The following PLPP3 variants were observed in gnomAD, a reference collection of about 807,000 sequenced individuals.
PLPP3 encodes phospholipid phosphatase 3.
Under a neutral mutation model 29.6 loss-of-function variants are expected in PLPP3, and 6 were observed. The ratio of observed to expected loss-of-function variants is 0.20; its 90% CI spans 0.11 to 0.40. The LOEUF is 0.40. PLPP3 is among the 10% of genes least tolerant of loss of function. The pLI is 1.00. For synonymous variants in PLPP3, 152 were observed against 159.7 expected, an observed-to-expected ratio of 0.95 and a Z score of 0.36; for missense variants, 308 against 407.7, an observed-to-expected ratio of 0.76 and a Z score of 2.11.
At chr1:56,514,213 T>C (rs1385447802) in intron 4 of PLPP3, among the ~76,000 whole-genome samples, 1 of 151,914 alleles carries the variant, frequency 6.6e-6, no homozygotes, top group African/African-American at 2.4e-5. Flanking sequence ...ATAGGAGCTA[T>C]GAAAGAAGTT....
chr1:56,531,704 A>G (rs1645889865), intron 2 of PLPP3, among the ~76,000 whole-genome samples: 1 of 152,240 alleles, frequency 6.6e-6, no homozygotes, highest in Non-Finnish European at 1.5e-5. Context: ...CTTAGGCTTG[A>G]AAGCCAAACA....
chr1:56,556,036 T>C (rs1245226378), intron 1 of PLPP3, among the ~76,000 whole-genome samples: 1 of 152,226 alleles, frequency 6.6e-6, no homozygotes, highest in Non-Finnish European at 1.5e-5. Context: ...AATGTATCAT[T>C]TTAGAGTCAG....
intron 1 of PLPP3, among the ~76,000 whole-genome samples, chr1:56,578,425 A>T (rs1646251534): frequency 6.6e-6 from 1 of 152,136 alleles, no homozygotes; most frequent in Non-Finnish European, 1.5e-5. Flanking sequence ...ATGTTTACAT[A>T]CAGCCGCCGG....
intron 5 of PLPP3, among the ~76,000 whole-genome samples, chr1:56,499,686 A>G (rs1286030441): frequency 1.3e-5 from 2 of 152,224 alleles, no homozygotes; most frequent in East Asian, 1.9e-4. Context: ...CACTTTCAGC[A>G]TGACTTGAGG....
At position 56,570,338 on chromosome 1, in the gene PLPP3, C is replaced by T. The variant is rs566136528; in HGVS notation, c.139+8540G>A. Among the ~76,000 whole-genome samples, 12 of 152,194 alleles carry T rather than the reference C, an allele frequency of 7.9e-5. No homozygotes were observed. The East Asian group carries it at 1.2e-3, about 15-fold the overall frequency. On this transcript the variant is annotated intron_variant, in intron 1 of 5. Coordinates refer to ENST00000371250, the MANE Select transcript of PLPP3 (RefSeq NM_003713.5). Reference sequence around the variant, plus strand: ...AAGCACACTACTTATTATGACAAGGCGCTTATAATGATTTGCATTTCTCTG... The same window carrying T: ...AAGCACACTACTTATTATGACAAGGTGCTTATAATGATTTGCATTTCTCTG...
At chr1:56,552,997 G>A (rs536227708) in intron 1 of PLPP3, among the ~76,000 whole-genome samples, 1 of 152,260 alleles carries the variant, frequency 6.6e-6, no homozygotes, top group African/African-American at 2.4e-5. Context: ...AGAGAGAAGA[G>A]GCTAGACTAG....
intron 1 of PLPP3, among the ~76,000 whole-genome samples, chr1:56,552,972 C>T (rs1646050680): frequency 1.3e-5 from 2 of 152,126 alleles, no homozygotes; most frequent in African/African-American, 2.4e-5. Context: ...CCCTTTTCTT[C>T]GCTGAGCCTG....
At chr1:56,552,456 C>A (rs2100284851) in intron 1 of PLPP3, among the ~76,000 whole-genome samples, 1 of 152,260 alleles carries the variant, frequency 6.6e-6, no homozygotes, top group East Asian at 1.9e-4. Flanking sequence ...ACATAGCATG[C>A]AATTTACATA....
At chr1:56,552,558 G>A (rs960804122) in intron 1 of PLPP3, among the ~76,000 whole-genome samples, 1 of 152,116 alleles carries the variant, frequency 6.6e-6, no homozygotes, top group Non-Finnish European at 1.5e-5. Context: ...GAAATACTGA[G>A]ATGAGTAAAA....
chr1:56,533,200 A>G (rs922983977), intron 2 of PLPP3, among the ~76,000 whole-genome samples: 1 of 152,006 alleles, frequency 6.6e-6, no homozygotes, highest in African/African-American at 2.4e-5. Context: ...AATTACAGGC[A>G]CATGCCACCA....
At chr1:56,563,636 A>G (rs999997788) in intron 1 of PLPP3, among the ~76,000 whole-genome samples, 5 of 152,170 alleles carry the variant, frequency 3.3e-5, no homozygotes, top group Non-Finnish European at 5.9e-5. Context: ...CTAGCAGAGC[A>G]TTTTCCCTGA....
chr1:56,562,036 C>CAAAAAAAAAAAAAA (rs71048439), intron 1 of PLPP3, among the ~76,000 whole-genome samples: 1 of 50,956 alleles, frequency 2.0e-5, no homozygotes, highest in Non-Finnish European at 3.1e-5. Context: ...CTCCGTTTCA[C>CAAAAAAAAAAAAAA]AAAAAAAAAA....
chr1:56,548,052 C>T (rs1646016865), intron 1 of PLPP3, among the ~76,000 whole-genome samples: 1 of 152,190 alleles, frequency 6.6e-6, no homozygotes. Context: ...AATCAACTGG[C>T]TTGACTGGTT....
At chr1:56,534,706 C>T (rs549980272) in intron 2 of PLPP3, among the ~76,000 whole-genome samples, 24 of 152,234 alleles carry the variant, frequency 1.6e-4, no homozygotes, top group African/African-American at 5.8e-4. Flanking sequence ...TTTTCCAGAA[C>T]TGAGAATGCA....
At chr1:56,559,556 AT>A (rs35349205) in intron 1 of PLPP3, among the ~76,000 whole-genome samples, 178 of 145,164 alleles carry the variant, frequency 1.2e-3, no homozygotes, top group African/African-American at 3.4e-3. Context: ...CCAGCCTTGA[AT>A]TTTTTTTTTT....
At chr1:56,498,110 G>C (rs1027938384) in intron 5 of PLPP3, among the ~76,000 whole-genome samples, 1 of 151,942 alleles carries the variant, frequency 6.6e-6, no homozygotes, top group Non-Finnish European at 1.5e-5. Context: ...GCCGAGAAGT[G>C]TAACATCTTA....
At chr1:56,530,697 A>C (rs1645882322) in intron 2 of PLPP3, among the ~76,000 whole-genome samples, 1 of 77,750 alleles carries the variant, frequency 1.3e-5, no homozygotes, top group Admixed American at 1.3e-4. Flanking sequence ...GACCAAGCTC[A>C]CTTAAAATAC....
chr1:56,569,622 G>T (rs1399229776), intron 1 of PLPP3, among the ~76,000 whole-genome samples: 1 of 152,060 alleles, frequency 6.6e-6, no homozygotes, highest in African/African-American at 2.4e-5. Context: ...AAAATAAAAA[G>T]AAAAACAAAA....
chr1:56,517,843 T>A (rs1215537991), intron 4 of PLPP3, among the ~76,000 whole-genome samples: 1 of 152,156 alleles, frequency 6.6e-6, no homozygotes, highest in African/African-American at 2.4e-5. Context: ...AACCTCCACA[T>A]TTGAAACACA....
Sources: gnomAD v4.1 joint callset for allele counts (sites outside exome capture counted in the v4.1 genomes callset) on GRCh38, gnomAD v4.1.1 for gene constraint, MANE v1.5 for transcripts, NCBI Gene and HGNC (gene_info 2026-07-23, HGNC 2026-07-21) for gene names.